The following TRAK1 variants were observed in gnomAD, a reference collection of about 807,000 sequenced individuals.
TRAK1 encodes the protein trafficking kinesin-binding protein 1.
In TRAK1, 33 loss-of-function variants were observed where a neutral mutation model predicts 92.1. That is an observed-to-expected ratio of 0.36 (90% CI 0.27 to 0.48). The LOEUF (loss-of-function observed/expected upper bound fraction) is 0.48, where lower values mean the gene tolerates loss of function less well. TRAK1 is among the 20% of genes least tolerant of loss of function. TRAK1 has a pLI of 0.99. For missense variants in TRAK1, 1,123 were observed against 1,257.9 expected, an observed-to-expected ratio of 0.89 and a Z score of 1.62; for synonymous variants, 521 against 517.3, an observed-to-expected ratio of 1.01 and a Z score of -0.10.
At chr3:42,026,365 T>C (rs1213256112) in intron 1 of TRAK1, among the ~76,000 whole-genome samples, 1 of 152,070 alleles carries the variant, frequency 6.6e-6, no homozygotes, top group East Asian at 1.9e-4. Context: ...TCTGGCACAG[T>C]GGTAGTTTTT....
intron 1 of TRAK1, among the ~76,000 whole-genome samples, chr3:42,035,639 G>T (rs1702299462): frequency 6.6e-6 from 1 of 152,200 alleles, no homozygotes. Context: ...TAATTGTCCT[G>T]TTGGACTTGG....
chr3:42,069,326 A>AAAAAAAG (rs1424609116), intron 1 of TRAK1, among the ~76,000 whole-genome samples: 1 of 151,710 alleles, frequency 6.6e-6, no homozygotes, highest in African/African-American at 2.4e-5. Context: ...GTCTCAAAAA[A>AAAAAAAG]AAAAAGAAAA....
intron 1 of TRAK1, among the ~76,000 whole-genome samples, chr3:42,025,887 TACACAG>T (rs1701894902): frequency 6.6e-6 from 1 of 152,192 alleles, no homozygotes; most frequent in Non-Finnish European, 1.5e-5. Context: ...CATGATACTG[TACACAG>T]AAAAAAGAGG....
rs1710624858 is a variant in TRAK1, at chr3:42,224,284, C to G, written c.*547C>G. On this transcript the variant is annotated 3_prime_UTR_variant, in exon 16 of 16. Coordinates refer to ENST00000327628, the MANE Select transcript of TRAK1 (RefSeq NM_001042646.3). ...GAGGGCTTTTCTTTTATGGGTGGCCCAGCTTCTTCAAGACCTTCACTGCTC... is the reference window on the plus strand; with the variant it reads ...GAGGGCTTTTCTTTTATGGGTGGCCGAGCTTCTTCAAGACCTTCACTGCTC... The G allele has an allele frequency of 3.2e-6, 1 of 316,110 alleles. No individual in the cohort carries two copies. Among genetic ancestry groups the G allele is most frequent in the Non-Finnish European group, 6.0e-6 (1 of 165,344 alleles). The allele number at this position is 316,110 out of a possible 1,614,324, so 19.6% of individuals were successfully genotyped here.
chr3:42,160,057 C>A (rs529389470), intron 2 of TRAK1: 2 of 682,192 alleles, frequency 2.9e-6, no homozygotes, highest in Admixed American at 4.6e-5. Flanking sequence ...TCCTGCAGGG[C>A]TTTCCTCTGA....
intron 1 of TRAK1, among the ~76,000 whole-genome samples, chr3:42,031,430 A>G (rs1576128791): frequency 6.6e-6 from 1 of 151,840 alleles, no homozygotes; most frequent in South Asian, 2.1e-4. Flanking sequence ...CTGAGGCAGG[A>G]GGATAGCTTG....
intron 1 of TRAK1, among the ~76,000 whole-genome samples, chr3:42,055,074 C>T (rs1333338831): frequency 6.6e-6 from 1 of 151,956 alleles, no homozygotes; most frequent in Non-Finnish European, 1.5e-5. Context: ...CATGTGCCAT[C>T]ATACCCAGCT....
intron 2 of TRAK1, among the ~76,000 whole-genome samples, chr3:42,170,011 C>T (rs1232171282): frequency 2.0e-5 from 3 of 152,186 alleles, no homozygotes; most frequent in Admixed American, 6.5e-5. Context: ...CACACAAGTG[C>T]GAGGCCAGAC....
At chr3:42,164,635 T>C (rs1212159637) in intron 2 of TRAK1, among the ~76,000 whole-genome samples, 1 of 152,176 alleles carries the variant, frequency 6.6e-6, no homozygotes, top group African/African-American at 2.4e-5. Flanking sequence ...AGGTGGGTGC[T>C]CCTGGGAGAC....
Position 42,224,386 on chromosome 3 carries a change from T to G in TRAK1, c.*649T>G. The G allele has an allele frequency of 3.9e-6, 1 of 256,924 alleles. No individual in the cohort carries two copies. The highest frequency in any genetic ancestry group is 7.6e-6 in the Non-Finnish European group (1 of 132,322). The allele number at this position is 256,924 out of a possible 1,614,324, so 15.9% of individuals were successfully genotyped here. A position where few individuals can be genotyped will look rare whatever the true frequency, so the allele number is the denominator to read the frequency against. On this transcript the variant is annotated 3_prime_UTR_variant, in exon 16 of 16. Transcript: ENST00000327628. ...GCCTTCCCCTTGAAGTCATCCTGTG[T>G]TTTGTAATCAGCTGTCAGGCCAAAT...
chr3:42,054,135 A>T (rs1243592224), intron 1 of TRAK1, among the ~76,000 whole-genome samples: 2 of 152,242 alleles, frequency 1.3e-5, no homozygotes, highest in Non-Finnish European at 2.9e-5. Context: ...GTATCTGTGC[A>T]TACTCAATGA....
chr3:42,200,503 T>A (rs1398283722), intron 11 of TRAK1, among the ~76,000 whole-genome samples: 2 of 152,224 alleles, frequency 1.3e-5, no homozygotes, highest in African/African-American at 2.4e-5. Flanking sequence ...GAGACAAAAG[T>A]CATACTTAAG....
chr3:42,139,087 T>C (rs771450449), intron 2 of TRAK1, among the ~76,000 whole-genome samples: 2 of 152,154 alleles, frequency 1.3e-5, no homozygotes, highest in African/African-American at 2.4e-5. Context: ...CTTTTCATTA[T>C]CATCTGCTAA....
chr3:42,143,574 A>T (rs1160474560), intron 2 of TRAK1, among the ~76,000 whole-genome samples: 2 of 152,296 alleles, frequency 1.3e-5, no homozygotes, highest in East Asian at 3.9e-4. Context: ...TACAGTCAGC[A>T]CTTTCTAAAT....
At chr3:42,156,886 A>G (rs1240636536) in intron 2 of TRAK1, among the ~76,000 whole-genome samples, 1 of 152,174 alleles carries the variant, frequency 6.6e-6, no homozygotes, top group Non-Finnish European at 1.5e-5. Context: ...TCTGTGGCTC[A>G]TGCCCGTTCA....
At chr3:42,145,937 A>C (rs1419367983) in intron 2 of TRAK1, 1 of 251,176 alleles carries the variant, frequency 4.0e-6, no homozygotes, top group East Asian at 1.3e-4. Context: ...CTCTATCCCA[A>C]ATTCTGTCAA....
intron 10 of TRAK1, among the ~76,000 whole-genome samples, chr3:42,195,300 A>G (rs572741741): frequency 1.8e-4 from 28 of 152,334 alleles, no homozygotes; most frequent in Non-Finnish European, 2.9e-4. Flanking sequence ...GAGCACTGAC[A>G]TGATGCATTG....
chr3:42,194,940 T>C lies in TRAK1; in HGVS notation c.1112T>C (p.Met371Thr). The change falls in exon 10 of 16, where the codon ATG becomes ACG. Residue 371 changes from methionine (M) to threonine (T), a missense_variant and splice_region_variant. By Grantham distance (81) the Met-to-Thr change is moderately conservative. This residue lies in a region of TRAK1 where 686 missense variants were observed against 747.6 expected (regional missense o/e 0.92). Transcript: ENST00000327628. ...RRYHSLGLFP[M>T]DSLAAEIEGT... ...TACCACTCACTGGGCCTGTTTCCCA[T>C]GGTGAGCTGTGCTTTCTTCCCAGCC... The C allele has an allele frequency of 6.2e-7, 1 of 1,613,524 alleles. No homozygotes were observed.
chr3:42,177,252 G>A (rs989633991), intron 3 of TRAK1, among the ~76,000 whole-genome samples: 1 of 152,186 alleles, frequency 6.6e-6, no homozygotes, highest in Non-Finnish European at 1.5e-5. Context: ...ATGTATTTAA[G>A]TTTTTACTTA....
Sources: allele counts gnomAD v4.1 joint callset (sites outside exome capture counted in the v4.1 genomes callset), GRCh38; gene constraint gnomAD v4.1.1; regional missense constraint gnomAD v4.1.1; transcripts MANE v1.5; gene names NCBI Gene and HGNC (gene_info 2026-07-23, HGNC 2026-07-21).